CPE: variants seen among roughly 807,000 people sequenced by gnomAD.
The protein encoded by CPE is carboxypeptidase E, also known as carbocypeptidase E.
Under a neutral mutation model 53.5 loss-of-function variants are expected in CPE, and 17 were observed. The ratio of observed to expected loss-of-function variants is 0.32; its 90% CI spans 0.22 to 0.48. The LOEUF is 0.48. Among genes scored for constraint, CPE ranks in the 20% least tolerant of loss-of-function variants. CPE has a pLI of 0.99. For synonymous variants in CPE, 226 were observed against 228.8 expected, an observed-to-expected ratio of 0.99 and a Z score of 0.11; for missense variants, 524 against 614.7, an observed-to-expected ratio of 0.85 and a Z score of 1.56.
chr4:165,440,461 CCCACACA>C (rs879930775), intron 1 of CPE, among the ~76,000 whole-genome samples: 4,776 of 141,328 alleles, frequency 0.034, 286 homozygotes, highest in East Asian at 0.061. Context: ...CCCACCCCCC[CCCACACA>C]CACAAGCTGT....
At chr4:165,479,819 G>A (rs1215816543) in intron 3 of CPE, among the ~76,000 whole-genome samples, 2 of 151,830 alleles carry the variant, frequency 1.3e-5, no homozygotes, top group Non-Finnish European at 2.9e-5. Flanking sequence ...GTGAAAACTC[G>A]TCTCTACTAA....
chr4:165,476,688 G>A (rs530837533), intron 3 of CPE, among the ~76,000 whole-genome samples: 3 of 152,062 alleles, frequency 2.0e-5, no homozygotes, highest in Non-Finnish European at 4.4e-5. Flanking sequence ...TGACATTCCT[G>A]GTGTTGGGAG....
At chr4:165,381,430 A>G (rs1195495630) in intron 1 of CPE, 7 of 416,372 alleles carry the variant, frequency 1.7e-5, no homozygotes, top group South Asian at 1.2e-4. Flanking sequence ...CAATAGCTGC[A>G]TAACACAGTG....
At chr4:165,431,701 A>T (rs902025186) in intron 1 of CPE, among the ~76,000 whole-genome samples, 18 of 152,278 alleles carry the variant, frequency 1.2e-4, no homozygotes, top group African/African-American at 4.3e-4. Context: ...GTACTGAAGA[A>T]CTTTTGGAAC....
rs571715754 is a variant in CPE, at chr4:165,440,088, T to G, written c.308-24302T>G. Among the ~76,000 whole-genome samples the G allele has an allele frequency of 2.6e-4, 40 of 152,294 alleles. No individual in the cohort carries two copies. In the South Asian group the frequency reaches 7.9e-3, roughly 30 times the overall value. ...TATCAGCCTTTCTTGCCTTCTTCAGTTTTTCCTACTATAAACATTGTGCAT... is the reference window on the plus strand; with the variant it reads ...TATCAGCCTTTCTTGCCTTCTTCAGGTTTTCCTACTATAAACATTGTGCAT... On this transcript the variant is annotated intron_variant, in intron 1 of 8. Coordinates refer to ENST00000402744, the MANE Select transcript of CPE (RefSeq NM_001873.4).
intron 1 of CPE, among the ~76,000 whole-genome samples, chr4:165,432,372 C>T (rs1456791210): frequency 2.0e-5 from 3 of 152,104 alleles, no homozygotes; most frequent in African/African-American, 4.8e-5. Context: ...CTCAGCTCAC[C>T]GTAGCCTCCA....
intron 8 of CPE, among the ~76,000 whole-genome samples, chr4:165,495,903 CTT>C (rs1732698242): frequency 6.6e-6 from 1 of 152,074 alleles, no homozygotes; most frequent in Admixed American, 6.5e-5. Flanking sequence ...TGAAATAAAA[CTT>C]TAAAAAATTA....
intron 3 of CPE, 72 bp from the exon 4 acceptor site, chr4:165,482,170 A>G: frequency 2.1e-6 from 2 of 941,940 alleles, no homozygotes; most frequent in East Asian, 2.7e-5. Flanking sequence ...TACCTTTCCT[A>G]TGTCTTTTCT....
intron 1 of CPE, among the ~76,000 whole-genome samples, chr4:165,423,622 A>C (rs1224032459): frequency 7.2e-6 from 1 of 139,250 alleles, no homozygotes; most frequent in African/African-American, 2.6e-5. Context: ...ATATATGTTG[A>C]TTCATTTTAT....
chr4:165,404,144 G>A, intron 1 of CPE: 2 of 771,714 alleles, frequency 2.6e-6, no homozygotes, highest in East Asian at 5.0e-5. Context: ...TCCATAGGCA[G>A]CCTCATACTT....
intron 1 of CPE, among the ~76,000 whole-genome samples, chr4:165,387,058 G>T (rs1377330119): frequency 6.6e-6 from 1 of 152,170 alleles, no homozygotes; most frequent in Non-Finnish European, 1.5e-5. Context: ...GTTGCTCTGT[G>T]AACGTTTCTC....
chr4:165,389,280 A>G (rs1222485507), intron 1 of CPE, among the ~76,000 whole-genome samples: 15 of 152,146 alleles, frequency 9.9e-5, no homozygotes, highest in African/African-American at 2.7e-4. Flanking sequence ...TAAATTTCAA[A>G]TTAGTTTAAC....
chr4:165,427,385 CT>C (rs33913212), intron 1 of CPE, among the ~76,000 whole-genome samples: 44,829 of 151,768 alleles, frequency 0.3, 6,686 homozygotes, highest in Middle Eastern at 0.39. Context: ...TTTGTCCAAC[CT>C]TTTTTTAAAC....
At chr4:165,390,703 T>C (rs574814165) in intron 1 of CPE, among the ~76,000 whole-genome samples, 7 of 152,334 alleles carry the variant, frequency 4.6e-5, no homozygotes, top group African/African-American at 1.7e-4. Flanking sequence ...TATTTTCATA[T>C]GTATGAGTAA....
intron 3 of CPE, among the ~76,000 whole-genome samples, chr4:165,477,303 T>C (rs75849109): frequency 0.01 from 1,587 of 152,326 alleles, 29 homozygotes; most frequent in African/African-American, 0.036. Context: ...AGCTTTTGTT[T>C]AAAACAAACT....
intron 1 of CPE, among the ~76,000 whole-genome samples, chr4:165,432,830 G>C (rs1338791071): frequency 2.0e-5 from 3 of 152,048 alleles, no homozygotes; most frequent in Non-Finnish European, 2.9e-5. Context: ...CAGAGACCTG[G>C]GAGTTATTCC....
chr4:165,442,259 G>C (rs973739326), intron 1 of CPE, among the ~76,000 whole-genome samples: 1 of 151,918 alleles, frequency 6.6e-6, no homozygotes, highest in Non-Finnish European at 1.5e-5. Context: ...GCCCAGGCTA[G>C]TCTTGAACTC....
At chr4:165,424,956 C>A (rs1010006697) in intron 1 of CPE, among the ~76,000 whole-genome samples, 4 of 150,156 alleles carry the variant, frequency 2.7e-5, no homozygotes, top group African/African-American at 4.9e-5. Flanking sequence ...CTCACTGCAA[C>A]CTACACCTCC....
In CPE at chr4:165,446,373, CAT is replaced by C. The variant is rs201368001; in HGVS notation, c.308-18015_308-18014del. ...TGAGACTTAATAAAGCATTAAGAAA[CAT>C]AGAAACAACAGGCAAAGCATAAGAT... On this transcript the variant is annotated intron_variant, in intron 1 of 8. Coordinates refer to ENST00000402744, the MANE Select transcript of CPE (RefSeq NM_001873.4). Among the ~76,000 whole-genome samples, 841 of 152,166 alleles carry C rather than the reference CAT, an allele frequency of 5.5e-3. 7 individuals carry two copies. Among genetic ancestry groups the C allele is most frequent in the African/African-American group, 0.018 (745 of 41,516 alleles).
Sources: allele counts gnomAD v4.1 joint callset (sites outside exome capture counted in the v4.1 genomes callset), GRCh38; gene constraint gnomAD v4.1.1; transcripts MANE v1.5; gene names NCBI Gene and HGNC (gene_info 2026-07-23, HGNC 2026-07-21).